Variants in ZGPAT observed in about 807,000 individuals in gnomAD.
The protein encoded by ZGPAT is zinc finger CCCH-type with G patch domain-containing protein.
A neutral mutation model predicts 47.9 loss-of-function variants in ZGPAT; 39 were observed. That is an observed-to-expected ratio of 0.81 (90% CI 0.63 to 1.06). ZGPAT has a LOEUF of 1.06. Ranked by LOEUF, ZGPAT falls within the 50% of genes least tolerant of loss-of-function variation. The probability of loss-of-function intolerance (pLI) is 0.00; values close to 1 mark genes in which losing one functional copy is unlikely to be tolerated. For synonymous variants in ZGPAT, 348 were observed against 292.9 expected, an observed-to-expected ratio of 1.19 and a Z score of -1.92; for missense variants, 717 against 681.4, an observed-to-expected ratio of 1.05 and a Z score of -0.58.
intron 4 of ZGPAT, chr20:63,734,397 G>C (rs899677722): frequency 2.2e-6 from 1 of 457,980 alleles, no homozygotes; most frequent in African/African-American, 2.0e-5. Context: ...ACAGCCTCGC[G>C]AAGGTGGAGA....
At chr20:63,734,972 G>A (rs1023566994) in intron 5 of ZGPAT, 148 bp downstream of exon 5, 61 of 1,325,274 alleles carry the variant, frequency 4.6e-5, no homozygotes, top group African/African-American at 1.5e-4. Context: ...TCAGATTCCC[G>A]GGGTCCCGCG....
chr20:63,730,922 TTCTCTCTCTCTCTC>T (rs33915732), intron 2 of ZGPAT, among the ~76,000 whole-genome samples: 32,013 of 124,396 alleles, frequency 0.26, 4,496 homozygotes, highest in South Asian at 0.45. Flanking sequence ...TTCCTCTTCA[TTCTCTCTCTCTCTC>T]TCTCTCTCTC....
intron 1 of ZGPAT, 62 bp from the exon 2 acceptor site, chr20:63,708,491 C>G: frequency 8.0e-7 from 1 of 1,245,322 alleles, no homozygotes; most frequent in Non-Finnish European, 1.1e-6. Flanking sequence ...GTGCCCGTGC[C>G]CGCCCTCAGG....
chr20:63,720,544 C>T (rs1033133392), intron 2 of ZGPAT, among the ~76,000 whole-genome samples: 2 of 152,088 alleles, frequency 1.3e-5, no homozygotes, highest in African/African-American at 4.8e-5. Flanking sequence ...CTTAACCGTC[C>T]AGGCTTAAGT....
At chr20:63,715,001 C>T (rs1344128143) in intron 2 of ZGPAT, among the ~76,000 whole-genome samples, 2 of 151,802 alleles carry the variant, frequency 1.3e-5, no homozygotes, top group African/African-American at 4.8e-5. Flanking sequence ...GGTTTTTTTC[C>T]TTTCATTTTG....
chr20:63,732,058 ATGCATGTGTGTATATGCATGCCATG>A (rs2091910228), intron 2 of ZGPAT, among the ~76,000 whole-genome samples: 1 of 151,994 alleles, frequency 6.6e-6, no homozygotes, highest in African/African-American at 2.4e-5. Flanking sequence ...GAGTGTGTAT[ATGCATGTGTGTATATGCATGCCATG>A]TGTGTGCATG....
Position 63,729,819 on chromosome 20 carries a change from A to C in ZGPAT, c.585-3400A>C, listed in dbSNP as rs531507179. 7.9e-5 allele frequency among the ~76,000 whole-genome samples: 12 copies of C among 152,260 alleles called. No individual in the cohort carries two copies. The South Asian group carries it at 2.3e-3, about 29-fold the overall frequency. On this transcript the variant is annotated intron_variant, in intron 2 of 6. Coordinates refer to ENST00000355969, the MANE Select transcript of ZGPAT (RefSeq NM_181485.3). ...AAGGATTACATGAGCCCAGGAGTTC[A>C]AGACCAGCCTGGCCAACATGACAAG...
chr20:63,729,449 C>T (rs539359267), intron 2 of ZGPAT, among the ~76,000 whole-genome samples: 3 of 152,170 alleles, frequency 2.0e-5, no homozygotes, highest in Non-Finnish European at 4.4e-5. Flanking sequence ...GTATTTCTGT[C>T]AATGCTGTGA....
In ZGPAT at chr20:63,734,855, A is replaced by T; in HGVS notation, c.991+31A>T. On this transcript the variant is annotated intron_variant, in intron 5 of 6. Transcript: ENST00000355969. Reference sequence around the variant, plus strand: ...TACAAGCTGCCCTGGAGAAGTGGGCAGGCTGCTGCAGCATAGCCCAGGTCC... The same window carrying T: ...TACAAGCTGCCCTGGAGAAGTGGGCTGGCTGCTGCAGCATAGCCCAGGTCC... The T allele has an allele frequency of 1.9e-6, 3 of 1,545,342 alleles. No individual in the cohort carries two copies. The South Asian group carries it at 3.8e-5, about 19-fold the overall frequency.
At chr20:63,731,120 C>G (rs2091897032) in intron 2 of ZGPAT, among the ~76,000 whole-genome samples, 1 of 152,150 alleles carries the variant, frequency 6.6e-6, no homozygotes, top group Non-Finnish European at 1.5e-5. Context: ...GCACATCTGC[C>G]TTGATGCACT....
chr20:63,731,749 GTTGGCCC>G (rs1326302134), intron 2 of ZGPAT, among the ~76,000 whole-genome samples: 1 of 152,080 alleles, frequency 6.6e-6, no homozygotes, highest in Non-Finnish European at 1.5e-5. Flanking sequence ...AAAGTGTACA[GTTGGCCC>G]TTGGTATCTG....
rs1278883426 is a variant in ZGPAT at position 63,708,593 on chromosome 20, A to G, written c.13A>G (p.Ser5Gly). The change falls in exon 2 of 7, where the codon AGC (serine) becomes GGC (glycine). Residue 5 changes from serine to glycine, a missense_variant. Physicochemically the swap from Ser to Gly is moderately conservative, Grantham distance 56. Transcript: ENST00000355969. MDEE[S>G]LESALQTYRA... ...TCCCTCTCTCAGCATGGACGAGGAG[A>G]GCCTGGAGTCGGCCTTGCAGACCTA... 7.5e-6 allele frequency: 12 copies of G among 1,600,054 alleles called. No homozygotes were observed. The highest frequency in any genetic ancestry group is 1.0e-5 in the Non-Finnish European group (12 of 1,171,084).
At chr20:63,732,409 C>CGCGCATGTGGGTGAGGGCCT (rs767320496) in intron 2 of ZGPAT, among the ~76,000 whole-genome samples, 1 of 137,252 alleles carries the variant, frequency 7.3e-6, no homozygotes, top group African/African-American at 2.8e-5. Context: ...CCTGTGTGTG[C>CGCGCATGTGGGTGAGGGCCT]GTGTGTGTGG....
rs529853645 is a variant in ZGPAT, at chr20:63,711,728, G to A, written c.584+2564G>A. Among the ~76,000 whole-genome samples the A allele has an allele frequency of 2.6e-4, 39 of 151,950 alleles. No homozygotes were observed. In the South Asian group the frequency reaches 4.4e-3, roughly 17 times the overall value. ...CTCCCAAGTAGCTGGGATTACAGGC[G>A]CCTGTCACCACGTGGTGCCCAGCTA... On this transcript the variant is annotated intron_variant, in intron 2 of 6. Coordinates refer to ENST00000355969, the MANE Select transcript of ZGPAT (RefSeq NM_181485.3).
chr20:63,732,630 A>G (rs1448461979), intron 2 of ZGPAT, among the ~76,000 whole-genome samples: 1 of 139,314 alleles, frequency 7.2e-6, no homozygotes, highest in Non-Finnish European at 1.5e-5. Context: ...TATGTGTATG[A>G]CGTGTGAGTA....
At chr20:63,716,322 G>T (rs572600011) in intron 2 of ZGPAT, among the ~76,000 whole-genome samples, 1 of 152,122 alleles carries the variant, frequency 6.6e-6, no homozygotes, top group Non-Finnish European at 1.5e-5. Context: ...AAGCCACCGC[G>T]TCCAGCCTTG....
At chr20:63,732,410 G>GCGCGTGTGTGGGTGAGGGCC (rs55975912) in intron 2 of ZGPAT, among the ~76,000 whole-genome samples, 1 of 43,400 alleles carries the variant, frequency 2.3e-5, no homozygotes, top group African/African-American at 8.4e-5. Flanking sequence ...CTGTGTGTGC[G>GCGCGTGTGTGGGTGAGGGCC]TGTGTGTGGG....
intron 2 of ZGPAT, among the ~76,000 whole-genome samples, chr20:63,714,184 G>C (rs114887591): frequency 0.01 from 1,549 of 152,188 alleles, 27 homozygotes; most frequent in African/African-American, 0.034. Flanking sequence ...CCAGCACTTT[G>C]GGAGGTGGAA....
intron 2 of ZGPAT, among the ~76,000 whole-genome samples, chr20:63,717,568 G>GT (rs2091744116): frequency 6.6e-6 from 1 of 151,872 alleles, no homozygotes; most frequent in Non-Finnish European, 1.5e-5. Context: ...CCATAAGATT[G>GT]TTTTTTGTTG....
Sources: allele counts gnomAD v4.1 joint callset (sites outside exome capture counted in the v4.1 genomes callset), GRCh38; gene constraint gnomAD v4.1.1; transcripts MANE v1.5; gene names NCBI Gene and HGNC (gene_info 2026-07-23, HGNC 2026-07-21).